The following FAM210A variants were observed in gnomAD, a reference collection of about 807,000 sequenced individuals.
The protein encoded by FAM210A is mitochondrial inner membrane scaffold 1.
Under a neutral mutation model 25.3 loss-of-function variants are expected in FAM210A, and 13 were observed. The observed-to-expected ratio is 0.51, with a 90% CI of 0.33 to 0.82. The LOEUF (loss-of-function observed/expected upper bound fraction) is 0.82, where lower values mean the gene tolerates loss of function less well. FAM210A is among the 40% of genes least tolerant of loss of function. The pLI is 0.02. For synonymous variants in FAM210A, 125 were observed against 118.7 expected (o/e 1.05, Z -0.35); for missense variants, 319 against 323.2 (o/e 0.99, Z 0.10).
intron 1 of FAM210A, among the ~76,000 whole-genome samples, chr18:13,713,845 T>C (rs2043840461): frequency 1.3e-5 from 2 of 151,970 alleles, no homozygotes; most frequent in African/African-American, 4.8e-5. Context: ...ACTCAAGCGA[T>C]CCTCCTGCCT....
At chr18:13,680,913 T>A (rs1029128714) in intron 2 of FAM210A, among the ~76,000 whole-genome samples, 1 of 152,170 alleles carries the variant, frequency 6.6e-6, no homozygotes, top group Non-Finnish European at 1.5e-5. Context: ...CACTTTAAAT[T>A]GTATGTTTCA....
chr18:13,704,888 T>C (rs1022466810), intron 1 of FAM210A, among the ~76,000 whole-genome samples: 1 of 152,204 alleles, frequency 6.6e-6, no homozygotes, highest in Non-Finnish European at 1.5e-5. Flanking sequence ...TTTAAAGTCA[T>C]TTCCAGTTAA....
At chr18:13,682,133 A>G (rs1467775566) in intron 1 of FAM210A, 28 bp from the exon 2 acceptor site, 62 of 1,419,968 alleles carry the variant, frequency 4.4e-5, no homozygotes, top group Non-Finnish European at 5.7e-5. Context: ...CAAAAAAATT[A>G]GGTAATACTT....
chr18:13,706,800 T>C (rs541937789), intron 1 of FAM210A, among the ~76,000 whole-genome samples: 4 of 152,360 alleles, frequency 2.6e-5, no homozygotes, highest in Non-Finnish European at 5.9e-5. Flanking sequence ...CTGGCACTTG[T>C]GGCCTATGAA....
chr18:13,682,892 A>G (rs1194231852), intron 1 of FAM210A, among the ~76,000 whole-genome samples: 2 of 152,136 alleles, frequency 1.3e-5, no homozygotes, highest in Admixed American at 1.3e-4. Context: ...AATAATAAAA[A>G]TCTCATAAAA....
chr18:13,690,669 C>G (rs1186229443), intron 1 of FAM210A, among the ~76,000 whole-genome samples: 1 of 152,216 alleles, frequency 6.6e-6, no homozygotes, highest in Non-Finnish European at 1.5e-5. Flanking sequence ...CCAGCAAACT[C>G]CAACAGACCT....
chr18:13,683,255 T>C (rs1175835394), intron 1 of FAM210A, among the ~76,000 whole-genome samples: 2 of 152,250 alleles, frequency 1.3e-5, no homozygotes, highest in Non-Finnish European at 2.9e-5. Context: ...GCCTTCGGAC[T>C]AAGTTATCAA....
intron 1 of FAM210A, among the ~76,000 whole-genome samples, chr18:13,706,354 G>GC (rs2043778007): frequency 2.1e-5 from 3 of 145,172 alleles, no homozygotes; most frequent in East Asian, 4.0e-4. Context: ...AATGAAAATG[G>GC]GGGGGGGTCG....
chr18:13,695,849 C>CT (rs2043688264), intron 1 of FAM210A, among the ~76,000 whole-genome samples: 1 of 151,988 alleles, frequency 6.6e-6, no homozygotes, highest in African/African-American at 2.4e-5. Context: ...TACCCTAGAA[C>CT]TTAAAGTATA....
At chr18:13,716,345 A>G (rs546414319) in intron 1 of FAM210A, among the ~76,000 whole-genome samples, 4 of 152,182 alleles carry the variant, frequency 2.6e-5, no homozygotes, top group South Asian at 4.1e-4. Context: ...CCCAGCTCCA[A>G]TGATGGATCC....
At position 13,681,664 on chromosome 18, in the gene FAM210A, A is replaced by T. The variant is rs775325514; in HGVS notation, c.414T>A (p.Ile138=). Residue 138 remains isoleucine (I), a synonymous_variant, in exon 2 of 4, where the codon ATT becomes ATA. Transcript: ENST00000651643. ...KTFRQYGKVL[I]PVHLITSGVW... ...CACCAGAAGTTATTAGATGCACTGG[A>T]ATCAGAACTTTTCCATACTGTCTAA... 44 of 1,613,618 alleles carry T rather than the reference A, an allele frequency of 2.7e-5. No individual in the cohort carries two copies. The highest frequency in any genetic ancestry group is 3.6e-5 in the Non-Finnish European group (43 of 1,179,910).
chr18:13,688,662 C>T lies in FAM210A; in HGVS notation c.-28-6557G>A, dbSNP rs529995678. On this transcript the variant is annotated intron_variant, in intron 1 of 3. Transcript: ENST00000651643. ...GGTTGTCACTCTGGCTCTTTGCCCT[C>T]ACTGGCGGAGAGCAGCCACCCCACG... is the stretch of plus-strand genomic sequence containing the variant. 2.6e-5 allele frequency among the ~76,000 whole-genome samples: 4 copies of T among 152,368 alleles called. No individual in the cohort carries two copies. In the South Asian group the frequency reaches 8.3e-4, roughly 32 times the overall value.
intron 1 of FAM210A, among the ~76,000 whole-genome samples, chr18:13,689,432 C>T (rs2043624235): frequency 6.6e-6 from 1 of 152,184 alleles, no homozygotes; most frequent in East Asian, 1.9e-4. Context: ...CAAAATCTAA[C>T]ACCTATTCCC....
chr18:13,675,581 C>A (rs2149053878), intron 2 of FAM210A, among the ~76,000 whole-genome samples: 1 of 134,742 alleles, frequency 7.4e-6, no homozygotes, highest in East Asian at 2.3e-4. Flanking sequence ...ACTTCATTTC[C>A]AGTTTCCTGA....
In FAM210A at chr18:13,681,661, T is replaced by G; in HGVS notation, c.417A>C (p.Pro139=). 2 of 1,613,324 alleles carry G rather than the reference T, an allele frequency of 1.2e-6. No individual in the cohort carries two copies. Among genetic ancestry groups the G allele is most frequent in the Non-Finnish European group, 1.7e-6 (2 of 1,179,830 alleles). The part of the protein sequence containing the change: ...TFRQYGKVLI[P]VHLITSGVWF... ...AAACACCAGAAGTTATTAGATGCAC[T>G]GGAATCAGAACTTTTCCATACTGTC... The change falls in exon 2 of 4, where the codon CCA becomes CCC. Residue 139 remains proline, a synonymous_variant. Coordinates refer to ENST00000651643, the MANE Select transcript of FAM210A (RefSeq NM_152352.4).
At chr18:13,712,354 A>G (rs1310446793) in intron 1 of FAM210A, among the ~76,000 whole-genome samples, 2 of 152,212 alleles carry the variant, frequency 1.3e-5, no homozygotes, top group Admixed American at 1.3e-4. Context: ...TTAAAGAGAA[A>G]AGCATGTGAC....
chr18:13,691,067 C>T (rs573481971), intron 1 of FAM210A, among the ~76,000 whole-genome samples: 10 of 152,240 alleles, frequency 6.6e-5, no homozygotes, highest in South Asian at 2.1e-4. Context: ...TTAAATGACC[C>T]GATGGAGCTG....
intron 1 of FAM210A, among the ~76,000 whole-genome samples, chr18:13,699,647 T>C (rs144627465): frequency 1.3e-5 from 2 of 152,320 alleles, no homozygotes; most frequent in East Asian, 1.9e-4. Flanking sequence ...TTCTGACAGG[T>C]TGCAGGAAGA....
chr18:13,715,171 G>C (rs957362558), intron 1 of FAM210A: 1 of 152,248 alleles, frequency 6.6e-6, no homozygotes, highest in African/African-American at 2.4e-5. Flanking sequence ...CTACTGATCA[G>C]ATGAAAGTTT....
Sources: gnomAD v4.1 joint callset for allele counts (sites outside exome capture counted in the v4.1 genomes callset) on GRCh38, gnomAD v4.1.1 for gene constraint, MANE v1.5 for transcripts, NCBI Gene and HGNC (gene_info 2026-07-23, HGNC 2026-07-21) for gene names.